NR2F6: variants seen among roughly 807,000 people sequenced by gnomAD.
NR2F6 encodes the protein ERBA-related gene-2.
In NR2F6, 16 loss-of-function variants were observed where a neutral mutation model predicts 26.5. The ratio of observed to expected loss-of-function variants is 0.60; its 90% CI spans 0.41 to 0.92. NR2F6 has a LOEUF of 0.92. Among genes scored for constraint, NR2F6 ranks in the 40% least tolerant of loss-of-function variants. NR2F6 has a pLI of 0.00. For missense variants in NR2F6, 536 were observed against 631.7 expected, an observed-to-expected ratio of 0.85 and a Z score of 1.62; for synonymous variants, 325 against 305.0, an observed-to-expected ratio of 1.07 and a Z score of -0.68.
chr19:17,233,311 C>CAAACAAAACAAAACA (rs143909942), intron 3 of NR2F6, among the ~76,000 whole-genome samples: 204 of 145,188 alleles, frequency 1.4e-3, no homozygotes, highest in African/African-American at 4.9e-3. Flanking sequence ...GACCCTGTCT[C>CAAACAAAACAAAACA]AAACAAAACA....
At chr19:17,240,630 C>T (rs758457111) in intron 2 of NR2F6, 41 bp downstream of exon 2, 33 of 1,593,820 alleles carry the variant, frequency 2.1e-5, no homozygotes, top group East Asian at 2.0e-4. Flanking sequence ...CCGGCTCCAG[C>T]GGCTGTGATC....
rs1283277018 is a variant in NR2F6 at position 17,245,199 on chromosome 19, A to T, written c.22T>A (p.Trp8Arg). Reference sequence around the variant, plus strand: ...TTCGTGTCGCCGCCGGGGCCGCCCCAGCCGCCGGTCACCATGGCCATAGCC... The same window carrying T: ...TTCGTGTCGCCGCCGGGGCCGCCCCTGCCGCCGGTCACCATGGCCATAGCC... MAMVTGG[W>R]GGPGGDTNGV... The change falls in exon 1 of 4, where the codon TGG becomes AGG. Residue 8 changes from tryptophan (W) to arginine (R), a missense_variant. Trp to Arg is a moderately radical substitution (Grantham distance 101, BLOSUM62 -3). Transcript: ENST00000291442. The surrounding 1 kb of genome is among the most constrained non-coding windows in gnomAD (Gnocchi z 5.0). 1 of 1,373,688 alleles carries T rather than the reference A, an allele frequency of 7.3e-7. No individual in the cohort carries two copies. The allele number at this position is 1,373,688 out of a possible 1,614,324, so 85.1% of individuals were successfully genotyped here. A position where few individuals can be genotyped will look rare whatever the true frequency, so the allele number is the denominator to read the frequency against.
At chr19:17,244,662 A>C (rs1290295062) in intron 1 of NR2F6, among the ~76,000 whole-genome samples, 1 of 151,882 alleles carries the variant, frequency 6.6e-6, no homozygotes, top group Non-Finnish European at 1.5e-5. Context: ...CGCGGAGATG[A>C]CCCCTCCCCA....
chr19:17,236,717 AC>A (rs1568316895), intron 2 of NR2F6, among the ~76,000 whole-genome samples: 1 of 151,930 alleles, frequency 6.6e-6, no homozygotes. Flanking sequence ...CCAGATGGTG[AC>A]CCCTGAGGGC....
At chr19:17,240,632 G>C in intron 2 of NR2F6, 39 bp downstream of exon 2, 1 of 1,598,594 alleles carries the variant, frequency 6.3e-7, no homozygotes, top group Non-Finnish European at 8.6e-7. Context: ...GGCTCCAGCG[G>C]CTGTGATCGT....
Position 17,232,254 on chromosome 19 carries a change from G to C in NR2F6, c.*98C>G, listed in dbSNP as rs543462387. 3.7e-5 allele frequency: 55 copies of C among 1,496,916 alleles called. No homozygotes were observed. The South Asian group carries it at 6.0e-4, about 16-fold the overall frequency. The allele number at this position is 1,496,916 out of a possible 1,614,324, so 92.7% of individuals were successfully genotyped here. A position where few individuals can be genotyped will look rare whatever the true frequency, so the allele number is the denominator to read the frequency against. On this transcript the variant is annotated 3_prime_UTR_variant, in exon 4 of 4. Transcript: ENST00000291442. The stretch of plus-strand genomic sequence containing the variant: ...AATAGAAGTCTGAGGAGAGAAGCCA[G>C]AGTCCTGGGCCCCGGGAGGCCCCTC...
In NR2F6 at chr19:17,245,275, C is replaced by T; in HGVS notation, c.-55G>A. ...CCACCGCGCTCTTCCCTCCGGGCAC[C>T]CCTCTCGGCCCGGGGGACCCTACGC... On this transcript the variant is annotated 5_prime_UTR_variant, in exon 1 of 4. Transcript: ENST00000291442. The surrounding 1 kb of genome is among the most constrained non-coding windows in gnomAD (Gnocchi z 5.0). 1 of 1,198,402 alleles carries T rather than the reference C, an allele frequency of 8.3e-7. No individual in the cohort carries two copies. Among genetic ancestry groups the T allele is most frequent in the Non-Finnish European group, 1.0e-6 (1 of 966,842 alleles). 74.2% of individuals were successfully genotyped at this position (1,198,402 alleles called of 1,614,324 possible).
At position 17,236,067 on chromosome 19, in the gene NR2F6, TGC is replaced by T. The variant is rs2073435819; in HGVS notation, c.374-4_374-3del. 2.9e-6 allele frequency: 3 copies of T among 1,023,252 alleles called. No homozygotes were observed. The highest frequency in any genetic ancestry group is 3.5e-6 in the Non-Finnish European group (3 of 864,920). The allele number at this position is 1,023,252 out of a possible 1,614,324, so 63.4% of individuals were successfully genotyped here. A position where few individuals can be genotyped will look rare whatever the true frequency, so the allele number is the denominator to read the frequency against. ...GCGGGATGCGGCCGCGCTGCACCGC[TGC>T]GGGAGGCGGGGACAGGAGGGACATG... On this transcript the variant is annotated splice_polypyrimidine_tract_variant and splice_region_variant and intron_variant, in intron 2 of 3. Transcript: ENST00000291442.
chr19:17,233,397 C>T (rs1453904094), intron 3 of NR2F6, among the ~76,000 whole-genome samples: 1 of 152,178 alleles, frequency 6.6e-6, no homozygotes, highest in East Asian at 1.9e-4. Context: ...TGTCGATCCT[C>T]CAGAGATAGT....
In NR2F6 at chr19:17,245,419, C is replaced by A; in HGVS notation, c.-199G>T. ...CGGAACTGGTCGGGCCGGTTCCAGG[C>A]CAACTTTCCCACGCGTGCGCGGGGC... On this transcript the variant is annotated 5_prime_UTR_variant, in exon 1 of 4. Transcript: ENST00000291442. This position sits in a 1 kb window ranked among gnomAD's most constrained non-coding sequence, Gnocchi z 5.0. 2.9e-6 allele frequency: 1 copy of A among 340,118 alleles called. No homozygotes were observed. The highest frequency in any genetic ancestry group is 4.9e-6 in the Non-Finnish European group (1 of 205,830). 21.1% of individuals were successfully genotyped at this position (340,118 alleles called of 1,614,324 possible). A position where few individuals can be genotyped will look rare whatever the true frequency, so the allele number is the denominator to read the frequency against.
In NR2F6 at chr19:17,245,131, G is replaced by T. The variant is rs771214764; in HGVS notation, c.90C>A (p.Asp30Glu). 5 of 1,456,754 alleles carry T rather than the reference G, an allele frequency of 3.4e-6. No homozygotes were observed. Among genetic ancestry groups the T allele is most frequent in the African/African-American group, 1.5e-5 (1 of 66,546 alleles). The allele number at this position is 1,456,754 out of a possible 1,614,324, so 90.2% of individuals were successfully genotyped here. ...CGGCACCGGGGGGCGAGGCCGAGTC[G>T]TCCTCGGCCGCGCGCGGGTAGCCGC... The part of the protein sequence containing the change: ...KAGGYPRAAE[D>E]DSASPPGAAS... Residue 30 changes from aspartate (D) to glutamate (E), a missense_variant, in exon 1 of 4, where the codon GAC (aspartate) becomes GAA (glutamate). By Grantham distance (45) the Asp-to-Glu change is conservative. Transcript: ENST00000291442. This position sits in a 1 kb window ranked among gnomAD's most constrained non-coding sequence, Gnocchi z 5.0.
At chr19:17,244,890 T>C (rs2145570458) in intron 1 of NR2F6, 53 bp downstream of exon 1, 1 of 1,540,202 alleles carries the variant, frequency 6.5e-7, no homozygotes, top group African/African-American at 1.4e-5. Flanking sequence ...GTCAGAGGCC[T>C]GCCCCAGGTC....
chr19:17,245,291 G>T lies in NR2F6; in HGVS notation c.-71C>A, dbSNP rs2073492386. On this transcript the variant is annotated 5_prime_UTR_variant, in exon 1 of 4. Coordinates refer to ENST00000291442, the MANE Select transcript of NR2F6 (RefSeq NM_005234.4). The surrounding 1 kb of genome is among the most constrained non-coding windows in gnomAD (Gnocchi z 5.0). ...TCCGGGCACCCCTCTCGGCCCGGGG[G>T]ACCCTACGCGGCGCGCATTCGGCCC... 3 of 1,171,890 alleles carry T rather than the reference G, an allele frequency of 2.6e-6. No individual in the cohort carries two copies. Among genetic ancestry groups the T allele is most frequent in the Non-Finnish European group, 3.2e-6 (3 of 946,568 alleles). 72.6% of individuals were successfully genotyped at this position (1,171,890 alleles called of 1,614,324 possible). A position where few individuals can be genotyped will look rare whatever the true frequency, so the allele number is the denominator to read the frequency against.
At chr19:17,241,561 G>A (rs2073469385) in intron 1 of NR2F6, among the ~76,000 whole-genome samples, 1 of 152,218 alleles carries the variant, frequency 6.6e-6, no homozygotes, top group South Asian at 2.1e-4. Flanking sequence ...AATGTCCCCA[G>A]AACCTTCTCC....
intron 1 of NR2F6, 38 bp downstream of exon 1, chr19:17,244,905 C>G: frequency 1.3e-6 from 2 of 1,548,164 alleles, no homozygotes; most frequent in Non-Finnish European, 1.7e-6. Context: ...CAGGTCGGGG[C>G]GGGGTGCACG....
At position 17,245,229 on chromosome 19, in the gene NR2F6, G is replaced by C; in HGVS notation, c.-9C>G. 7.8e-7 allele frequency: 1 copy of C among 1,276,628 alleles called. No individual in the cohort carries two copies. The highest frequency in any genetic ancestry group is 2.5e-5 in the South Asian group (1 of 39,562). 79.1% of individuals were successfully genotyped at this position (1,276,628 alleles called of 1,614,324 possible). On this transcript the variant is annotated 5_prime_UTR_variant, in exon 1 of 4. Transcript: ENST00000291442. This position sits in a 1 kb window ranked among gnomAD's most constrained non-coding sequence, Gnocchi z 5.0. ...CCGGTCACCATGGCCATAGCCCCAG[G>C]GCAGCGGGGCCGGGGCGCCCCCACC...
chr19:17,232,162 T>C lies in NR2F6; in HGVS notation c.*190A>G. On this transcript the variant is annotated 3_prime_UTR_variant, in exon 4 of 4. Transcript: ENST00000291442. ...GAGGATGAGGCTGAGGCCTGGATGA[T>C]CAGTCTCTTTTTGGTTTCATGATCA... 2.5e-6 allele frequency: 2 copies of C among 812,430 alleles called. No homozygotes were observed. Among genetic ancestry groups the C allele is most frequent in the Admixed American group, 3.0e-5 (1 of 33,398 alleles). 50.3% of individuals were successfully genotyped at this position (812,430 alleles called of 1,614,324 possible).
intron 2 of NR2F6, among the ~76,000 whole-genome samples, chr19:17,239,643 G>A (rs2073458529): frequency 6.7e-6 from 1 of 148,632 alleles, no homozygotes; most frequent in African/African-American, 2.5e-5. Context: ...GACAGAGCAA[G>A]ACTCAGTCTC....
rs1325457073 is a variant in NR2F6, at chr19:17,245,362, G to C, written c.-142C>G. 1.8e-5 allele frequency: 12 copies of C among 664,848 alleles called. No homozygotes were observed. The highest frequency in any genetic ancestry group is 2.4e-5 in the Non-Finnish European group (12 of 492,984). 41.2% of individuals were successfully genotyped at this position (664,848 alleles called of 1,614,324 possible). A position where few individuals can be genotyped will look rare whatever the true frequency, so the allele number is the denominator to read the frequency against. On this transcript the variant is annotated 5_prime_UTR_variant, in exon 1 of 4. Transcript: ENST00000291442. This position sits in a 1 kb window ranked among gnomAD's most constrained non-coding sequence, Gnocchi z 5.0. ...CTGCACCCCCCAAAAAAGTTTTGCA[G>C]CAACTTCCTGCGGCCGGTCCTCGCG... is the stretch of plus-strand genomic sequence containing the variant.
Sources: allele counts gnomAD v4.1 joint callset (sites outside exome capture counted in the v4.1 genomes callset), GRCh38; gene constraint gnomAD v4.1.1; non-coding constraint Gnocchi (gnomAD v3.1); transcripts MANE v1.5; gene names NCBI Gene and HGNC (gene_info 2026-07-23, HGNC 2026-07-21).